The following IQCN variants were observed in gnomAD, a reference collection of about 807,000 sequenced individuals.
The protein encoded by IQCN is IQ motif containing N, also known as IQ domain-containing protein N.
Under a neutral mutation model 64.4 loss-of-function variants are expected in IQCN, and 46 were observed. That is an observed-to-expected ratio of 0.71 (90% CI 0.56 to 0.91). The LOEUF (loss-of-function observed/expected upper bound fraction) is 0.91, where lower values mean the gene tolerates loss of function less well. IQCN is among the 40% of genes least tolerant of loss of function. The pLI is 0.00. For missense variants in IQCN, 1,753 were observed against 1,857.4 expected (o/e 0.94, Z 1.03); for synonymous variants, 733 against 775.6 (o/e 0.95, Z 0.91).
In IQCN at chr19:18,265,711, G is replaced by A; in HGVS notation, c.1829C>T (p.Thr610Ile). The A allele has an allele frequency of 1.2e-6, 2 of 1,614,140 alleles. No homozygotes were observed. Among genetic ancestry groups the A allele is most frequent in the Non-Finnish European group, 1.7e-6 (2 of 1,180,026 alleles). Residue 610 changes from threonine to isoleucine, a missense_variant, in exon 3 of 4, where the codon ACC (threonine) becomes ATC (isoleucine). Transcript: ENST00000392413. This position sits in a 1 kb window ranked among gnomAD's most constrained non-coding sequence, Gnocchi z 4.7. ...CATGTCTGTTTTCGCCTGTTTCTGGGTGCCAGTCTTGATTTTCTCGGCTTC... is the reference window on the plus strand; with the variant it reads ...CATGTCTGTTTTCGCCTGTTTCTGGATGCCAGTCTTGATTTTCTCGGCTTC... ...PLEAEKIKTG[T>I]QKQAKTDMAF...
In IQCN at chr19:18,267,098, A is replaced by G. The variant is rs1373469911; in HGVS notation, c.442T>C (p.Ser148Pro). 1 of 1,614,038 alleles carries G rather than the reference A, an allele frequency of 6.2e-7. No homozygotes were observed. The highest frequency in any genetic ancestry group is 1.3e-5 in the African/African-American group (1 of 74,918). The change falls in exon 3 of 4, where the codon TCC (serine) becomes CCC (proline). Residue 148 changes from serine (S) to proline (P), a missense_variant. Coordinates refer to ENST00000392413, the MANE Select transcript of IQCN (RefSeq NM_001145304.2). ...GTTTTCTTTACCAACGACTTGCTGG[A>G]GTGAAGGATGTGTCTCTTGTTGAAG... ...RRFNKRHILH[S>P]SKSLVKKTRA...
In IQCN at chr19:18,266,713, C is replaced by A. The variant is rs1180240986; in HGVS notation, c.827G>T (p.Gly276Val). 2 of 1,614,008 alleles carry A rather than the reference C, an allele frequency of 1.2e-6. No homozygotes were observed. Among genetic ancestry groups the A allele is most frequent in the Non-Finnish European group, 1.7e-6 (2 of 1,180,044 alleles). The change falls in exon 3 of 4, where the codon GGT becomes GTT. Residue 276 changes from glycine (G) to valine (V), a missense_variant. Coordinates refer to ENST00000392413, the MANE Select transcript of IQCN (RefSeq NM_001145304.2). The surrounding 1 kb of genome is among the most constrained non-coding windows in gnomAD (Gnocchi z 4.3). The stretch of plus-strand genomic sequence containing the variant: ...TACACGTTTGGTCTTCACTGAGTCA[C>A]CCTCTATGTGGACGAGGCAGGTGCT... Reference protein sequence around the residue: ...IRSTCLVHIEGDSVKTKRVSA... With the variant: ...IRSTCLVHIEVDSVKTKRVSA...
chr19:18,269,460 T>G lies in IQCN; in HGVS notation c.13+6A>C. ...CAGACCCCTTGCCCATAGACCATCTTCTTACCTTGAAGGGTCATAGATTTG... is the reference window on the plus strand; with the variant it reads ...CAGACCCCTTGCCCATAGACCATCTGCTTACCTTGAAGGGTCATAGATTTG... On this transcript the variant is annotated splice_donor_region_variant and intron_variant, in intron 2 of 3. Transcript: ENST00000392413. The G allele has an allele frequency of 1.2e-6, 2 of 1,613,994 alleles. No individual in the cohort carries two copies. The highest frequency in any genetic ancestry group is 1.7e-6 in the Non-Finnish European group (2 of 1,179,962).
chr19:18,265,220 G>A lies in IQCN; in HGVS notation c.2320C>T (p.Leu774Phe), dbSNP rs769742110. The A allele has an allele frequency of 6.2e-7, 1 of 1,612,542 alleles. No individual in the cohort carries two copies. Among genetic ancestry groups the A allele is most frequent in the South Asian group, 1.1e-5 (1 of 91,086 alleles). The stretch of plus-strand genomic sequence containing the variant: ...TTGGACACCTTGGACCCTGTTAGGA[G>A]CACCTGGGAGTGGGTGTTGCTGCTG... Reference protein sequence around the residue: ...DLSSNTHSQVLLTGSKVSNHA... With the variant: ...DLSSNTHSQVFLTGSKVSNHA... The change falls in exon 3 of 4, where the codon CTC becomes TTC. Residue 774 changes from leucine to phenylalanine, a missense_variant. By Grantham distance (22) the Leu-to-Phe change is conservative. Coordinates refer to ENST00000392413, the MANE Select transcript of IQCN (RefSeq NM_001145304.2). The surrounding 1 kb of genome is among the most constrained non-coding windows in gnomAD (Gnocchi z 4.7).
At chr19:18,258,153 T>C (rs751279678) in intron 3 of IQCN, 47 bp from the exon 4 acceptor site, 2 of 1,588,786 alleles carry the variant, frequency 1.3e-6, no homozygotes, top group Non-Finnish European at 1.7e-6. Flanking sequence ...AACGGCAGGA[T>C]TCTGGGGGCT....
chr19:18,264,674 G>A lies in IQCN; in HGVS notation c.2866C>T (p.Arg956Trp), dbSNP rs531854880. 2.4e-5 allele frequency: 38 copies of A among 1,551,274 alleles called. No homozygotes were observed. The highest frequency in any genetic ancestry group is 1.7e-4 in the Middle Eastern group (1 of 5,992). Residue 956 changes from arginine to tryptophan, a missense_variant, in exon 3 of 4, where the codon CGG becomes TGG. By Grantham distance (101) the Arg-to-Trp change is moderately radical. Transcript: ENST00000392413. This position sits in a 1 kb window ranked among gnomAD's most constrained non-coding sequence, Gnocchi z 4.3. ...GTGAGTTCCGCCCGCAGCTCGCCCC[G>A]GGACAGGGCTCGGGACAGGGTCAGG... ...LRLTLSRALSRGELRAELTKV... is the reference protein window; with the variant it reads ...LRLTLSRALSWGELRAELTKV...
rs199593511 is a variant in IQCN at position 18,257,428 on chromosome 19, C to T, written c.3856G>A (p.Ala1286Thr). 36 of 1,609,754 alleles carry T rather than the reference C, an allele frequency of 2.2e-5. No individual in the cohort carries two copies. The East Asian group carries it at 5.8e-4, about 26-fold the overall frequency. The change falls in exon 4 of 4, where the codon GCC becomes ACC. Residue 1286 changes from alanine to threonine, a missense_variant. Coordinates refer to ENST00000392413, the MANE Select transcript of IQCN (RefSeq NM_001145304.2). ...GGACTCAGGGCAGCCAGCTGGTAGGCGGAGGCCCAAGACACTGCCCCGGGG... is the reference window on the plus strand; with the variant it reads ...GGACTCAGGGCAGCCAGCTGGTAGGTGGAGGCCCAAGACACTGCCCCGGGG... ...EGPGAVSWAS[A>T]YQLAALSPRQ...
intron 3 of IQCN, chr19:18,261,479 T>C (rs1189693133): frequency 6.4e-6 from 1 of 155,094 alleles, no homozygotes; most frequent in Non-Finnish European, 1.4e-5. Context: ...TGGTCAGAGA[T>C]GGCTGGGTCA....
At chr19:18,267,762 G>A (rs996562658) in intron 2 of IQCN, 5 of 400,054 alleles carry the variant, frequency 1.2e-5, no homozygotes, top group African/African-American at 2.1e-5. Context: ...CTGAATGCCC[G>A]ACCACTTACC....
chr19:18,265,977 G>C lies in IQCN; in HGVS notation c.1563C>G (p.Ala521=). 1 of 1,614,166 alleles carries C rather than the reference G, an allele frequency of 6.2e-7. No homozygotes were observed. Among genetic ancestry groups the C allele is most frequent in the Non-Finnish European group, 8.5e-7 (1 of 1,180,016 alleles). The change falls in exon 3 of 4, where the codon GCC becomes GCG. Residue 521 remains alanine (A), a synonymous_variant. Transcript: ENST00000392413. This position sits in a 1 kb window ranked among gnomAD's most constrained non-coding sequence, Gnocchi z 4.7. ...VATILKTLCL[A]SPTVANVKAP... is the part of the protein sequence containing the mutation. Reference sequence around the variant, plus strand: ...CCTTGACATTTGCCACTGTTGGAGAGGCCAGACACAGAGTCTTGAGGATGG... The same window carrying C: ...CCTTGACATTTGCCACTGTTGGAGACGCCAGACACAGAGTCTTGAGGATGG...
rs757767341 is a variant in IQCN at position 18,257,802 on chromosome 19, C to G, written c.3482G>C (p.Arg1161Thr). 24 of 1,611,068 alleles carry G rather than the reference C, an allele frequency of 1.5e-5. No individual in the cohort carries two copies. In the South Asian group the frequency reaches 2.6e-4, roughly 18 times the overall value. ...GGCAGACTGGATGGTCGTGGTGGCTCTGCAGAGGTGTGCCAGGTTCCGCCG... is the reference window on the plus strand; with the variant it reads ...GGCAGACTGGATGGTCGTGGTGGCTGTGCAGAGGTGTGCCAGGTTCCGCCG... ...RVRRNLAHLC[R>T]ATTTIQSAWR... Residue 1161 changes from arginine (R) to threonine (T), a missense_variant, in exon 4 of 4, where the codon AGA (arginine) becomes ACA (threonine). Arg to Thr is a moderately conservative substitution (Grantham distance 71). Coordinates refer to ENST00000392413, the MANE Select transcript of IQCN (RefSeq NM_001145304.2).
chr19:18,266,926 G>A lies in IQCN; in HGVS notation c.614C>T (p.Pro205Leu). 1.9e-6 allele frequency: 3 copies of A among 1,609,188 alleles called. No homozygotes were observed. Among genetic ancestry groups the A allele is most frequent in the Non-Finnish European group, 2.5e-6 (3 of 1,176,626 alleles). ...GGGCTGCAGGAGGGGGGACGACTGG[G>A]GTCTGCAGAGGACCAGATTGTCACA... ...PSCDNLVLCRPQSSPLLQPPA... is the reference protein window; with the variant it reads ...PSCDNLVLCRLQSSPLLQPPA... The change falls in exon 3 of 4, where the codon CCC becomes CTC. Residue 205 changes from proline (P) to leucine (L), a missense_variant. Pro to Leu is a moderately conservative substitution (Grantham distance 98, BLOSUM62 -3). Transcript: ENST00000392413. This position sits in a 1 kb window ranked among gnomAD's most constrained non-coding sequence, Gnocchi z 4.3.
Position 18,266,579 on chromosome 19 carries a change from C to G in IQCN, c.961G>C (p.Glu321Gln). Residue 321 changes from glutamate (E) to glutamine (Q), a missense_variant, in exon 3 of 4, where the codon GAG becomes CAG. Physicochemically the swap from Glu to Gln is conservative, Grantham distance 29. Coordinates refer to ENST00000392413, the MANE Select transcript of IQCN (RefSeq NM_001145304.2). This position sits in a 1 kb window ranked among gnomAD's most constrained non-coding sequence, Gnocchi z 4.3. ...RAQTQGPVKA[E>Q]TPKAPFQICP... is the part of the protein sequence containing the mutation. ...ATCTGGAAGGGGGCTTTGGGGGTCT[C>G]TGCTTTCACAGGGCCCTGGGTTTGG... 1 of 1,613,428 alleles carries G rather than the reference C, an allele frequency of 6.2e-7. No homozygotes were observed. Among genetic ancestry groups the G allele is most frequent in the Non-Finnish European group, 8.5e-7 (1 of 1,179,636 alleles).
rs1969511721 is a variant in IQCN at position 18,264,772 on chromosome 19, G to A, written c.2768C>T (p.Thr923Ile). The A allele has an allele frequency of 6.4e-7, 1 of 1,551,238 alleles. No homozygotes were observed. Among genetic ancestry groups the A allele is most frequent in the Non-Finnish European group, 8.7e-7 (1 of 1,147,020 alleles). ...QALSKEVLGA[T>I]VTKALPQSML... ...GCTCTGGGGCAGGGCTTTGGTGACA[G>A]TGGCACCCAGGACCTCCTTGGACAG... The change falls in exon 3 of 4, where the codon ACT becomes ATT. Residue 923 changes from threonine (T) to isoleucine (I), a missense_variant. Coordinates refer to ENST00000392413, the MANE Select transcript of IQCN (RefSeq NM_001145304.2). This position sits in a 1 kb window ranked among gnomAD's most constrained non-coding sequence, Gnocchi z 4.3.
chr19:18,274,274 T>TGG (rs1969803922), intron 1 of IQCN, 129 bp downstream of exon 1: 1 of 142,260 alleles, frequency 7.0e-6, no homozygotes, highest in Non-Finnish European at 1.6e-5. Context: ...CTAAAGGCAC[T>TGG]GGGGGCCAGA....
intron 1 of IQCN, among the ~76,000 whole-genome samples, chr19:18,272,875 G>C (rs571053128): frequency 1.3e-5 from 2 of 152,138 alleles, no homozygotes; most frequent in African/African-American, 4.8e-5. Context: ...CTCCCAAAGT[G>C]CTGGGATTAC....
chr19:18,267,445 G>T lies in IQCN; in HGVS notation c.95C>A (p.Ala32Glu). The T allele has an allele frequency of 6.5e-7, 1 of 1,548,118 alleles. No individual in the cohort carries two copies. Among genetic ancestry groups the T allele is most frequent in the Non-Finnish European group, 8.7e-7 (1 of 1,149,746 alleles). The change falls in exon 3 of 4, where the codon GCG becomes GAG. Residue 32 changes from alanine to glutamate, a missense_variant. Ala to Glu is a moderately radical substitution (Grantham distance 107). Coordinates refer to ENST00000392413, the MANE Select transcript of IQCN (RefSeq NM_001145304.2). ...TVHEPVVTQW[A>E]VHPPAPAHPS... is the part of the protein sequence containing the mutation. ...GTGAGCGGGGGCTGGAGGATGCACC[G>T]CCCACTGGGTGACAACTGGCTCGTG...
intron 3 of IQCN, chr19:18,258,782 G>A (rs1413943238): frequency 1.3e-5 from 3 of 235,992 alleles, no homozygotes; most frequent in East Asian, 1.0e-4. Context: ...GGGGTATGAC[G>A]TGAGTGACAG....
chr19:18,268,313 A>G (rs1199751787), intron 2 of IQCN, among the ~76,000 whole-genome samples: 3 of 151,494 alleles, frequency 2.0e-5, no homozygotes, highest in Non-Finnish European at 2.9e-5. Context: ...CTGTGTCCCC[A>G]TCTCAGTCAT....
Sources: allele counts gnomAD v4.1 joint callset (sites outside exome capture counted in the v4.1 genomes callset), GRCh38; gene constraint gnomAD v4.1.1; non-coding constraint Gnocchi (gnomAD v3.1); transcripts MANE v1.5; gene names NCBI Gene and HGNC (gene_info 2026-07-23, HGNC 2026-07-21).